GNAZ: variants seen among roughly 807,000 people sequenced by gnomAD.
The protein encoded by GNAZ is G protein subunit alpha z.
A neutral mutation model predicts 25.4 loss-of-function variants in GNAZ; 3 were observed. The observed-to-expected ratio is 0.12, with a 90% CI of 0.05 to 0.30. The LOEUF (loss-of-function observed/expected upper bound fraction) is 0.30. GNAZ is among the 10% of genes least tolerant of loss of function. GNAZ has a pLI of 1.00. For missense variants in GNAZ, 241 were observed against 501.8 expected (o/e 0.48, Z 4.97); for synonymous variants, 211 against 205.7 (o/e 1.03, Z -0.22).
chr22:23,121,753 G>A (rs1157033356), intron 2 of GNAZ, among the ~76,000 whole-genome samples: 3 of 141,504 alleles, frequency 2.1e-5, no homozygotes, highest in African/African-American at 5.3e-5. Flanking sequence ...ACAGAGTCTC[G>A]CTGCGTCGCC....
At chr22:23,079,632 C>T (rs912792833) in intron 1 of GNAZ, among the ~76,000 whole-genome samples, 2 of 152,168 alleles carry the variant, frequency 1.3e-5, no homozygotes, top group Admixed American at 6.5e-5. Context: ...CAAGGATGCC[C>T]CTGGCTGCTG....
intron 2 of GNAZ, 92 bp from the exon 3 acceptor site, chr22:23,122,995 C>A: frequency 1.2e-6 from 1 of 843,354 alleles, no homozygotes; most frequent in Non-Finnish European, 1.9e-6. Flanking sequence ...GGCTGAGACC[C>A]TAGCAAAGGC....
Position 23,095,466 on chromosome 22 carries a change from A to G in GNAZ, c.-230A>G. 1 of 549,296 alleles carries G rather than the reference A, an allele frequency of 1.8e-6. No individual in the cohort carries two copies. The highest frequency in any genetic ancestry group is 3.2e-6 in the Non-Finnish European group (1 of 311,518). 34.0% of individuals were successfully genotyped at this position (549,296 alleles called of 1,614,324 possible). On this transcript the variant is annotated 5_prime_UTR_variant, in exon 2 of 3. Coordinates refer to ENST00000615612, the MANE Select transcript of GNAZ (RefSeq NM_002073.4). The stretch of plus-strand genomic sequence containing the variant: ...GCCACTTTGCCAACTAGGGAGGTGG[A>G]GTGTCACTAGTGGGGAGGGGCGGCC...
At chr22:23,106,126 T>C (rs1434813089) in intron 2 of GNAZ, among the ~76,000 whole-genome samples, 1 of 152,202 alleles carries the variant, frequency 6.6e-6, no homozygotes, top group African/African-American at 2.4e-5. Context: ...CATATCACAC[T>C]TACCCTGGGG....
chr22:23,117,573 G>A lies in GNAZ; in HGVS notation c.724-5514G>A, dbSNP rs1253565689. ...GATGAGACCTCGCAGGTGAGAGGAC[G>A]TCCCAGTGCCAAGGCGAATCACAGT... On this transcript the variant is annotated intron_variant, in intron 2 of 2. Coordinates refer to ENST00000615612, the MANE Select transcript of GNAZ (RefSeq NM_002073.4). Among the ~76,000 whole-genome samples, 5 of 152,358 alleles carry A rather than the reference G, an allele frequency of 3.3e-5. No individual in the cohort carries two copies. The East Asian group carries it at 7.7e-4, about 24-fold the overall frequency.
At chr22:23,086,542 A>G (rs2068825305) in intron 1 of GNAZ, among the ~76,000 whole-genome samples, 1 of 152,112 alleles carries the variant, frequency 6.6e-6, no homozygotes, top group African/African-American at 2.4e-5. Context: ...CAGGCACACT[A>G]TAGTTGAGGA....
At chr22:23,091,843 C>T (rs182464850) in intron 1 of GNAZ, among the ~76,000 whole-genome samples, 13 of 152,322 alleles carry the variant, frequency 8.5e-5, no homozygotes, top group African/African-American at 3.1e-4. Flanking sequence ...CTGCCCCTTC[C>T]TCTTGCCTGG....
At chr22:23,078,724 G>C (rs1481557641) in intron 1 of GNAZ, among the ~76,000 whole-genome samples, 1 of 152,252 alleles carries the variant, frequency 6.6e-6, no homozygotes, top group African/African-American at 2.4e-5. Context: ...AGAAGGCCAA[G>C]GGTGAGGGCC....
intron 2 of GNAZ, among the ~76,000 whole-genome samples, chr22:23,109,178 C>G (rs1454550584): frequency 6.6e-6 from 1 of 152,212 alleles, no homozygotes; most frequent in African/African-American, 2.4e-5. Flanking sequence ...TAACTGCTGT[C>G]TCACAGCTAC....
intron 1 of GNAZ, among the ~76,000 whole-genome samples, chr22:23,091,420 G>A (rs961745132): frequency 9.5e-4 from 116 of 121,738 alleles, no homozygotes; most frequent in African/African-American, 3.3e-3. Context: ...ACATGCACAC[G>A]CACCACAATG....
At position 23,124,360 on chromosome 22, in the gene GNAZ, G is replaced by A. The variant is rs897654405; in HGVS notation, c.*929G>A. The A allele has an allele frequency of 2.2e-6, 1 of 458,206 alleles. No individual in the cohort carries two copies. Among genetic ancestry groups the A allele is most frequent in the Non-Finnish European group, 4.6e-6 (1 of 219,048 alleles). 28.4% of individuals were successfully genotyped at this position (458,206 alleles called of 1,614,324 possible). A position where few individuals can be genotyped will look rare whatever the true frequency, so the allele number is the denominator to read the frequency against. On this transcript the variant is annotated 3_prime_UTR_variant, in exon 3 of 3. Coordinates refer to ENST00000615612, the MANE Select transcript of GNAZ (RefSeq NM_002073.4). ...GTCTTTTTTGTGTCTGGCTTGCTGAGTGTAAAAGTTGTTATCTGGACGATC... is the reference window on the plus strand; with the variant it reads ...GTCTTTTTTGTGTCTGGCTTGCTGAATGTAAAAGTTGTTATCTGGACGATC...
At chr22:23,109,147 G>C (rs998146849) in intron 2 of GNAZ, among the ~76,000 whole-genome samples, 1 of 152,148 alleles carries the variant, frequency 6.6e-6, no homozygotes. Context: ...CTCTTGTGAC[G>C]CACTTCACTG....
At chr22:23,089,130 G>A (rs1233564161) in intron 1 of GNAZ, among the ~76,000 whole-genome samples, 2 of 152,196 alleles carry the variant, frequency 1.3e-5, no homozygotes, top group Non-Finnish European at 2.9e-5. Context: ...TGGAGAGTGA[G>A]GGGCTGGACT....
chr22:23,081,786 C>T lies in GNAZ; in HGVS notation c.-450+11216C>T, dbSNP rs559136887. Among the ~76,000 whole-genome samples, 309 of 128,810 alleles carry T rather than the reference C, an allele frequency of 2.4e-3. 1 individual carries two copies. The highest frequency in any genetic ancestry group is 8.9e-3 in the African/African-American group (295 of 33,044). The allele number at this position is 128,810 out of a possible 152,430, so 84.5% of individuals were successfully genotyped here. ...GCAGTGAGCCGAGATCGTGCCACTG[C>T]ATTCCAGCCTGGGCAACAGAGTGAG... is the stretch of plus-strand genomic sequence containing the variant. On this transcript the variant is annotated intron_variant, in intron 1 of 2. Transcript: ENST00000615612.
At chr22:23,109,004 G>C (rs2069565153) in intron 2 of GNAZ, among the ~76,000 whole-genome samples, 1 of 152,240 alleles carries the variant, frequency 6.6e-6, no homozygotes, top group Non-Finnish European at 1.5e-5. Context: ...GAGGCTTCCA[G>C]GGGAGGCTGG....
At chr22:23,072,510 CCCT>C (rs1280071025) in intron 1 of GNAZ, among the ~76,000 whole-genome samples, 1 of 152,190 alleles carries the variant, frequency 6.6e-6, no homozygotes, top group Non-Finnish European at 1.5e-5. Context: ...TAAGTCAGCT[CCCT>C]CATTTCTGGG....
chr22:23,097,100 G>T (rs1408817064), intron 2 of GNAZ, among the ~76,000 whole-genome samples: 1 of 152,180 alleles, frequency 6.6e-6, no homozygotes, highest in Non-Finnish European at 1.5e-5. Context: ...CAAGGGAGGG[G>T]CTGTCTTGCC....
At chr22:23,086,234 C>T (rs1181377131) in intron 1 of GNAZ, among the ~76,000 whole-genome samples, 3 of 152,204 alleles carry the variant, frequency 2.0e-5, no homozygotes, top group African/African-American at 4.8e-5. Context: ...GCTGCAGTCC[C>T]GTGGGGCCCA....
At chr22:23,118,991 C>G (rs1181022293) in intron 2 of GNAZ, among the ~76,000 whole-genome samples, 2 of 152,226 alleles carry the variant, frequency 1.3e-5, no homozygotes, top group African/African-American at 4.8e-5. Flanking sequence ...GTGAGCAGAG[C>G]ATGGACAGGT....
Sources: allele counts gnomAD v4.1 joint callset (sites outside exome capture counted in the v4.1 genomes callset), GRCh38; gene constraint gnomAD v4.1.1; transcripts MANE v1.5; gene names NCBI Gene and HGNC (gene_info 2026-07-23, HGNC 2026-07-21).